DPF3: variants seen among roughly 807,000 people sequenced by gnomAD.
The protein encoded by DPF3 is double PHD fingers 3, also known as zinc finger protein DPF3.
Under a neutral mutation model 56.8 loss-of-function variants are expected in DPF3, and 18 were observed. That is an observed-to-expected ratio of 0.32 (90% confidence interval 0.22 to 0.47). DPF3 has a LOEUF of 0.47. DPF3 is among the 20% of genes least tolerant of loss of function. The pLI is 1.00. For missense variants in DPF3, 403 were observed against 488.8 expected, an observed-to-expected ratio of 0.82 and a Z score of 1.65; for synonymous variants, 188 against 180.2, an observed-to-expected ratio of 1.04 and a Z score of -0.35.
intron 3 of DPF3, chr14:72,742,448 C>T (rs1055573457): frequency 2.0e-5 from 3 of 149,310 alleles, no homozygotes; most frequent in African/African-American, 4.9e-5. Context: ...ACACCTGGCT[C>T]GAGGCTCCGC....
At chr14:72,797,212 A>G (rs1278855217) in intron 1 of DPF3, among the ~76,000 whole-genome samples, 4 of 152,196 alleles carry the variant, frequency 2.6e-5, no homozygotes, top group African/African-American at 4.8e-5. Context: ...ATGAGCAGAC[A>G]CAGAACACAA....
chr14:72,768,952 TGTG>T (rs1891403742), intron 2 of DPF3, among the ~76,000 whole-genome samples: 1 of 151,672 alleles, frequency 6.6e-6, no homozygotes, highest in Admixed American at 6.6e-5. Flanking sequence ...TGTGTGTGTG[TGTG>T]TGTGTGTGTG....
At chr14:72,773,907 T>A (rs1231961086) in intron 1 of DPF3, 2 of 455,668 alleles carry the variant, frequency 4.4e-6, no homozygotes, top group South Asian at 1.6e-5. Flanking sequence ...CATTCATCTG[T>A]CAGTGGATAT....
intron 1 of DPF3, among the ~76,000 whole-genome samples, chr14:72,839,117 C>T (rs974430331): frequency 6.6e-6 from 1 of 151,286 alleles, no homozygotes; most frequent in East Asian, 2.0e-4. Flanking sequence ...GACGGGGCTT[C>T]GCCATGTTGG....
intron 8 of DPF3, among the ~76,000 whole-genome samples, chr14:72,650,209 T>C (rs928903962): frequency 2.0e-5 from 3 of 152,178 alleles, no homozygotes; most frequent in African/African-American, 7.2e-5. Context: ...CCAGCCGTGG[T>C]AGCTAATCTA....
At chr14:72,787,891 G>A (rs1405942083) in intron 1 of DPF3, among the ~76,000 whole-genome samples, 1 of 152,210 alleles carries the variant, frequency 6.6e-6, no homozygotes, top group East Asian at 1.9e-4. Flanking sequence ...TTCTCCATTT[G>A]CCATGCACAC....
chr14:72,716,203 T>C (rs2153575978), intron 5 of DPF3, among the ~76,000 whole-genome samples: 1 of 152,078 alleles, frequency 6.6e-6, no homozygotes, highest in South Asian at 2.1e-4. Flanking sequence ...TACGAGGGCT[T>C]CTGGGGGAGC....
intron 7 of DPF3, among the ~76,000 whole-genome samples, chr14:72,690,429 CGGACA>C (rs1339984951): frequency 2.1e-4 from 32 of 152,262 alleles, no homozygotes; most frequent in Admixed American, 7.2e-4. Flanking sequence ...AGCACATGGA[CGGACA>C]CATATGCACA....
At chr14:72,736,476 A>C (rs1332875416) in intron 3 of DPF3, among the ~76,000 whole-genome samples, 2 of 152,190 alleles carry the variant, frequency 1.3e-5, no homozygotes, top group Non-Finnish European at 2.9e-5. Context: ...ATAGCTGCCG[A>C]GTGCCATTCC....
intron 1 of DPF3, among the ~76,000 whole-genome samples, chr14:72,810,016 G>C (rs1464118585): frequency 6.6e-6 from 1 of 152,190 alleles, no homozygotes; most frequent in Non-Finnish European, 1.5e-5. Context: ...ACTTAGCACT[G>C]TGCCTGTACA....
intron 4 of DPF3, chr14:72,724,234 T>TC (rs1889301170): frequency 6.8e-6 from 1 of 146,780 alleles, no homozygotes; most frequent in Admixed American, 6.8e-5. Flanking sequence ...TTTTTTTTCT[T>TC]TTTTTTTTTT....
At chr14:72,644,094 C>T (rs1353065711) in intron 8 of DPF3, among the ~76,000 whole-genome samples, 2 of 152,198 alleles carry the variant, frequency 1.3e-5, no homozygotes, top group African/African-American at 4.8e-5. Context: ...AAGTCTCTCA[C>T]CCAGGTGTCT....
chr14:72,786,166 G>C (rs1892199728), intron 1 of DPF3, among the ~76,000 whole-genome samples: 1 of 152,130 alleles, frequency 6.6e-6, no homozygotes, highest in Non-Finnish European at 1.5e-5. Flanking sequence ...AGGAGGCTGA[G>C]GCAGGAGAAT....
At chr14:72,637,533 A>G (rs1381670421) in intron 8 of DPF3, among the ~76,000 whole-genome samples, 1 of 152,240 alleles carries the variant, frequency 6.6e-6, no homozygotes, top group African/African-American at 2.4e-5. Context: ...TATAGCAGTG[A>G]GAAAATCCAA....
intron 8 of DPF3, among the ~76,000 whole-genome samples, chr14:72,666,664 T>A (rs1180091616): frequency 6.6e-6 from 1 of 152,098 alleles, no homozygotes; most frequent in African/African-American, 2.4e-5. Context: ...GGGAAAGAAA[T>A]GTCCATTTCC....
chr14:72,737,232 C>T (rs1379245873), intron 3 of DPF3, among the ~76,000 whole-genome samples: 2 of 151,260 alleles, frequency 1.3e-5, no homozygotes, highest in Admixed American at 1.3e-4. Flanking sequence ...CACACACACA[C>T]AGAAATTTCC....
chr14:72,656,317 C>A (rs773762521), intron 8 of DPF3, among the ~76,000 whole-genome samples: 1 of 152,180 alleles, frequency 6.6e-6, no homozygotes, highest in Non-Finnish European at 1.5e-5. Context: ...CCTAGTTTAA[C>A]GCAGCTTGGT....
chr14:72,862,937 G>A (rs1230284917), intron 1 of DPF3, among the ~76,000 whole-genome samples: 1 of 151,998 alleles, frequency 6.6e-6, no homozygotes, highest in Non-Finnish European at 1.5e-5. Flanking sequence ...CCAGAATAGT[G>A]TGACTAATTC....
intron 8 of DPF3, among the ~76,000 whole-genome samples, chr14:72,657,136 TC>T (rs1213299260): frequency 1.3e-5 from 2 of 152,136 alleles, no homozygotes; most frequent in Non-Finnish European, 2.9e-5. Context: ...TCCTCAACAT[TC>T]CATAATTAAC....
Sources: gnomAD v4.1 joint callset for allele counts (sites outside exome capture counted in the v4.1 genomes callset) on GRCh38, gnomAD v4.1.1 for gene constraint, MANE v1.5 for transcripts, NCBI Gene and HGNC (gene_info 2026-07-23, HGNC 2026-07-21) for gene names.